PLB1: variants seen among roughly 807,000 people sequenced by gnomAD.
PLB1 encodes the protein phospholipase B1, also known as phospholipase B1, membrane-associated.
A neutral mutation model predicts 227.4 loss-of-function variants in PLB1; 242 were observed. The ratio of observed to expected loss-of-function variants is 1.06; its 90% confidence interval spans 0.96 to 1.18. The LOEUF (loss-of-function observed/expected upper bound fraction) is 1.18. Ranked by LOEUF, PLB1 falls within the 50% of genes most tolerant of loss-of-function variation. The probability of loss-of-function intolerance (pLI) is 0.00; values close to 1 mark genes in which losing one functional copy is unlikely to be tolerated. For missense variants in PLB1, 1,858 were observed against 1,816.3 expected (o/e 1.02, Z -0.42); for synonymous variants, 757 against 682.2 (o/e 1.11, Z -1.71).
rs1367592859 is a variant in PLB1 at position 28,600,823 on chromosome 2, A to AGGTGCTCCTAGGAGCAG, written c.2489_2490insGGTGCTCCTAGGAGCAG (p.Gln832LeufsTer9). ...CTCTTTCTCAGGGATCTTATGAGCC[A>AGGTGCTCCTAGGAGCAG]AGTCCAAACTCTGATGCAGAAGATG... is the stretch of plus-strand genomic sequence containing the variant. On this transcript the variant is annotated frameshift_variant, in exon 36 of 58. Transcript: ENST00000327757. LOFTEE classifies it high-confidence loss of function. 1 of 1,613,514 alleles carries AGGTGCTCCTAGGAGCAG rather than the reference A, an allele frequency of 6.2e-7. No individual in the cohort carries two copies. Among genetic ancestry groups the AGGTGCTCCTAGGAGCAG allele is most frequent in the East Asian group, 2.2e-5 (1 of 44,886 alleles).
At chr2:28,606,999 G>T (rs999205206) in intron 43 of PLB1, among the ~76,000 whole-genome samples, 1 of 152,154 alleles carries the variant, frequency 6.6e-6, no homozygotes, top group Non-Finnish European at 1.5e-5. Context: ...GCCTGGATTA[G>T]GGAGATTCCA....
chr2:28,508,813 C>T (rs780750026), intron 1 of PLB1, among the ~76,000 whole-genome samples: 1 of 152,198 alleles, frequency 6.6e-6, no homozygotes, highest in African/African-American at 2.4e-5. Flanking sequence ...TAAACCCTGC[C>T]CCTAAGGTCA....
rs963250484 is a variant in PLB1 at position 28,643,471 on chromosome 2, G to A, written c.*410G>A. On this transcript the variant is annotated 3_prime_UTR_variant, in exon 58 of 58. Coordinates refer to ENST00000327757, the MANE Select transcript of PLB1 (RefSeq NM_153021.5). ...CAGAAAAAATGCTGGTCACCAGGTG[G>A]TGGCTGGAATTTTGGAGCTGGCTGG... 2 of 167,616 alleles carry A rather than the reference G, an allele frequency of 1.2e-5. No homozygotes were observed. The highest frequency in any genetic ancestry group is 1.2e-4 in the Admixed American group (2 of 16,272). The allele number at this position is 167,616 out of a possible 1,614,324, so 10.4% of individuals were successfully genotyped here.
chr2:28,507,147 G>A (rs1388452464), intron 1 of PLB1, among the ~76,000 whole-genome samples: 1 of 152,134 alleles, frequency 6.6e-6, no homozygotes, highest in Non-Finnish European at 1.5e-5. Context: ...GAGGAGTCAG[G>A]GCTCTGGAAC....
At chr2:28,632,178 G>A (rs2148342196) in intron 55 of PLB1, 38 bp downstream of exon 55, 2 of 1,500,430 alleles carry the variant, frequency 1.3e-6, no homozygotes, top group East Asian at 4.5e-5. Context: ...CACGTATGGG[G>A]GCCTTATCAC....
intron 18 of PLB1, among the ~76,000 whole-genome samples, chr2:28,564,111 A>G (rs1345053806): frequency 6.6e-6 from 1 of 152,304 alleles, no homozygotes; most frequent in African/African-American, 2.4e-5. Flanking sequence ...GCATGGTGAC[A>G]CATGCCTATA....
At chr2:28,568,522 C>T (rs1039282642) in intron 20 of PLB1, among the ~76,000 whole-genome samples, 1 of 152,158 alleles carries the variant, frequency 6.6e-6, no homozygotes, top group Non-Finnish European at 1.5e-5. Context: ...TATATGGAAA[C>T]GTGTTAGAAA....
rs758111301 is a variant in PLB1, at chr2:28,589,557, A to G, written c.1920+3A>G. 6.2e-7 allele frequency: 1 copy of G among 1,613,908 alleles called. No individual in the cohort carries two copies. The highest frequency in any genetic ancestry group is 8.5e-7 in the Non-Finnish European group (1 of 1,179,884). On this transcript the variant is annotated splice_donor_region_variant and intron_variant, in intron 27 of 57. Transcript: ENST00000327757. ...ACGTGGACATGCCAAAGACCTCGGT[A>G]AAGAAAGCAAGCATCGTAGAAAAAT...
At chr2:28,576,591 G>A (rs1021003421) in intron 21 of PLB1, among the ~76,000 whole-genome samples, 3 of 152,172 alleles carry the variant, frequency 2.0e-5, no homozygotes, top group Admixed American at 6.5e-5. Flanking sequence ...TTAGCCGGGT[G>A]TGGTGGCGGG....
At chr2:28,555,529 T>A (rs1451246620) in intron 17 of PLB1, among the ~76,000 whole-genome samples, 1 of 152,230 alleles carries the variant, frequency 6.6e-6, no homozygotes. Flanking sequence ...TATTATTATT[T>A]TCCTTTGATA....
intron 20 of PLB1, among the ~76,000 whole-genome samples, chr2:28,570,371 C>G (rs1349886638): frequency 1.3e-5 from 2 of 152,184 alleles, no homozygotes; most frequent in Non-Finnish European, 2.9e-5. Flanking sequence ...TTTTCAACCT[C>G]AAAATCAATT....
chr2:28,561,019 T>A (rs1675980588), intron 17 of PLB1, among the ~76,000 whole-genome samples: 1 of 152,228 alleles, frequency 6.6e-6, no homozygotes. Context: ...TTCCTGAGGC[T>A]TAATTCAAAT....
intron 56 of PLB1, among the ~76,000 whole-genome samples, chr2:28,636,727 C>T (rs916334347): frequency 6.6e-6 from 1 of 152,044 alleles, no homozygotes; most frequent in Non-Finnish European, 1.5e-5. Context: ...GGAGGCCTCA[C>T]TGAAGAAGTG....
chr2:28,577,662 G>A (rs1381375598), intron 21 of PLB1, among the ~76,000 whole-genome samples: 1 of 152,208 alleles, frequency 6.6e-6, no homozygotes, highest in African/African-American at 2.4e-5. Flanking sequence ...CCAACATGGT[G>A]AAACCCCATC....
At chr2:28,568,204 C>T (rs1348838842) in intron 20 of PLB1, among the ~76,000 whole-genome samples, 3 of 152,202 alleles carry the variant, frequency 2.0e-5, no homozygotes, top group Non-Finnish European at 4.4e-5. Context: ...TCCTCTATTG[C>T]TAGGAGATGG....
chr2:28,629,008 G>A (rs781153762), intron 52 of PLB1, 86 bp from the exon 53 acceptor site: 50 of 1,093,174 alleles, frequency 4.6e-5, no homozygotes, highest in Non-Finnish European at 6.3e-5. Context: ...AAAATTGAGG[G>A]GAGTGGGAAT....
chr2:28,640,951 ACCTC>A lies in PLB1; in HGVS notation c.4125_4128del (p.Ser1376ThrfsTer75), dbSNP rs1558984422. On this transcript the variant is annotated frameshift_variant, in exon 57 of 58. Coordinates refer to ENST00000327757, the MANE Select transcript of PLB1 (RefSeq NM_153021.5). LOFTEE classifies it low-confidence loss of function (END_TRUNC). ...GCTGGAACCAGTGGGCCGCAAGACTACCTCCAACAACTTCACCCACAGCCGAGCC... is the reference window on the plus strand; with the variant it reads ...GCTGGAACCAGTGGGCCGCAAGACTACAACAACTTCACCCACAGCCGAGCC... The A allele has an allele frequency of 1.2e-6, 2 of 1,613,398 alleles. No individual in the cohort carries two copies. The highest frequency in any genetic ancestry group is 1.7e-6 in the Non-Finnish European group (2 of 1,179,720).
intron 57 of PLB1, among the ~76,000 whole-genome samples, chr2:28,641,909 C>T (rs1690015217): frequency 1.3e-5 from 2 of 152,220 alleles, no homozygotes; most frequent in African/African-American, 4.8e-5. Flanking sequence ...GCCCATTGAC[C>T]AGAGTCTGGA....
At chr2:28,565,191 A>G (rs903646850) in intron 18 of PLB1, 89 bp from the exon 19 acceptor site, 3 of 1,162,926 alleles carry the variant, frequency 2.6e-6, no homozygotes, top group Non-Finnish European at 2.5e-6. Flanking sequence ...GGTCCTGGCC[A>G]GCATAAGAAC....
Sources: allele counts gnomAD v4.1 joint callset (sites outside exome capture counted in the v4.1 genomes callset), GRCh38; gene constraint gnomAD v4.1.1; transcripts MANE v1.5; gene names NCBI Gene and HGNC (gene_info 2026-07-23, HGNC 2026-07-21).